The following PLEKHA5 variants were observed in gnomAD, a reference collection of about 807,000 sequenced individuals.
The protein encoded by PLEKHA5 is pleckstrin homology domain-containing family A member 5.
A neutral mutation model predicts 181.9 loss-of-function variants in PLEKHA5; 55 were observed. The ratio of observed to expected loss-of-function variants is 0.30; its 90% CI spans 0.24 to 0.38. PLEKHA5 has a LOEUF of 0.38. Among genes scored for constraint, PLEKHA5 ranks in the 10% least tolerant of loss-of-function variants. The pLI, the probability that PLEKHA5 is intolerant of heterozygous loss-of-function variation, is 1.00. For synonymous variants in PLEKHA5, 535 were observed against 529.4 expected (o/e 1.01, Z -0.15); for missense variants, 1,432 against 1,549.5 (o/e 0.92, Z 1.27).
chr12:19,330,042 C>T (rs977972563), intron 20 of PLEKHA5, among the ~76,000 whole-genome samples: 2 of 152,042 alleles, frequency 1.3e-5, no homozygotes, highest in African/African-American at 4.8e-5. Context: ...CAAAGTGAGA[C>T]CCTGTTTCAA....
chr12:19,168,027 G>C (rs917940659), intron 3 of PLEKHA5, among the ~76,000 whole-genome samples: 3 of 152,100 alleles, frequency 2.0e-5, no homozygotes. Flanking sequence ...TTAGTGGAGA[G>C]ACTAAAACTA....
In PLEKHA5 at chr12:19,348,487, C is replaced by G; in HGVS notation, c.2987C>G (p.Pro996Arg). 1.3e-6 allele frequency: 2 copies of G among 1,581,750 alleles called. No homozygotes were observed. Among genetic ancestry groups the G allele is most frequent in the Non-Finnish European group, 8.6e-7 (1 of 1,169,456 alleles). The change falls in exon 25 of 32, where the codon CCT becomes CGT. Residue 996 changes from proline (P) to arginine (R), a missense_variant. This residue lies in a region of PLEKHA5 where 1,143 missense variants were observed against 1,168.4 expected (regional missense o/e 0.98). Coordinates refer to ENST00000429027, the MANE Select transcript of PLEKHA5 (RefSeq NM_001256470.2). Reference protein sequence around the residue: ...DESNGEEKSEPVSEIETSVVK... With the variant: ...DESNGEEKSERVSEIETSVVK... Reference sequence around the variant, plus strand: ...TCTAATGGAGAAGAAAAATCAGAACCTGTTTCAGAGATAGAAACTTCAGTT... The same window carrying G: ...TCTAATGGAGAAGAAAAATCAGAACGTGTTTCAGAGATAGAAACTTCAGTT...
chr12:19,226,669 T>C (rs2152340920), intron 3 of PLEKHA5, among the ~76,000 whole-genome samples: 1 of 152,324 alleles, frequency 6.6e-6, no homozygotes, highest in Non-Finnish European at 1.5e-5. Context: ...TTATGAAATT[T>C]TTCAAAGAAA....
intron 3 of PLEKHA5, among the ~76,000 whole-genome samples, chr12:19,169,813 C>G (rs1431903578): frequency 1.3e-5 from 2 of 152,190 alleles, no homozygotes; most frequent in Non-Finnish European, 2.9e-5. Context: ...GATTGAGCAT[C>G]TTTCTGGGCC....
At chr12:19,300,013 A>G (rs996672505) in intron 15 of PLEKHA5, among the ~76,000 whole-genome samples, 3 of 152,204 alleles carry the variant, frequency 2.0e-5, no homozygotes, top group African/African-American at 4.8e-5. Context: ...CGTTCTCTGC[A>G]TGGTGTACCT....
In PLEKHA5 at chr12:19,361,565, T is replaced by G. The variant is rs767600531; in HGVS notation, c.3484-17T>G. Reference sequence around the variant, plus strand: ...TAAGAATTCTTTGAAAAGAAAATTTTTCTTTTTATTCTACAGTTAAAAAAA... The same window carrying G: ...TAAGAATTCTTTGAAAAGAAAATTTGTCTTTTTATTCTACAGTTAAAAAAA... On this transcript the variant is annotated splice_polypyrimidine_tract_variant and intron_variant, in intron 28 of 31. Transcript: ENST00000429027. The G allele has an allele frequency of 1.4e-5, 18 of 1,271,732 alleles. No homozygotes were observed. The highest frequency in any genetic ancestry group is 2.2e-6 in the Non-Finnish European group (2 of 899,504). 78.8% of individuals were successfully genotyped at this position (1,271,732 alleles called of 1,614,324 possible). A position where few individuals can be genotyped will look rare whatever the true frequency, so the allele number is the denominator to read the frequency against.
intron 20 of PLEKHA5, among the ~76,000 whole-genome samples, chr12:19,334,904 G>A (rs553435973): frequency 1.4e-4 from 8 of 59,210 alleles, no homozygotes; most frequent in African/African-American, 2.3e-4. Context: ...AATATTAGCC[G>A]GGCATAGGGG....
At chr12:19,197,733 T>TGTGTGTGTGTGTGTGTGTGTG (rs1565455206) in intron 3 of PLEKHA5, among the ~76,000 whole-genome samples, 1 of 112,148 alleles carries the variant, frequency 8.9e-6, no homozygotes. Flanking sequence ...TGTGTGTGTG[T>TGTGTGTGTGTGTGTGTGTGTG]TTAAGTCGCC....
intron 3 of PLEKHA5, among the ~76,000 whole-genome samples, chr12:19,140,821 C>T (rs978531165): frequency 2.6e-5 from 4 of 152,120 alleles, no homozygotes; most frequent in African/African-American, 9.7e-5. Context: ...CAGAGTCTCG[C>T]TCTGTTGCCT....
At chr12:19,164,765 T>G (rs907881348) in intron 3 of PLEKHA5, among the ~76,000 whole-genome samples, 2 of 152,196 alleles carry the variant, frequency 1.3e-5, no homozygotes, top group Non-Finnish European at 2.9e-5. Flanking sequence ...CTGAGTGGCC[T>G]TATTCTTTCA....
chr12:19,322,025 A>C (rs2090996590), intron 18 of PLEKHA5, among the ~76,000 whole-genome samples: 1 of 152,156 alleles, frequency 6.6e-6, no homozygotes, highest in African/African-American at 2.4e-5. Context: ...GAAGTGATCT[A>C]TTGTTTATAT....
At chr12:19,234,847 G>C (rs1432677468) in intron 3 of PLEKHA5, among the ~76,000 whole-genome samples, 2 of 152,134 alleles carry the variant, frequency 1.3e-5, no homozygotes, top group Non-Finnish European at 2.9e-5. Context: ...TTGGGGGTAA[G>C]GATAGTAAGC....
intron 3 of PLEKHA5, among the ~76,000 whole-genome samples, chr12:19,190,065 A>G (rs1405357432): frequency 6.6e-6 from 1 of 152,150 alleles, no homozygotes; most frequent in Non-Finnish European, 1.5e-5. Context: ...GTATATTTTA[A>G]AAGTTATTAT....
intron 29 of PLEKHA5, among the ~76,000 whole-genome samples, chr12:19,364,701 G>T (rs548412026): frequency 6.6e-6 from 1 of 150,722 alleles, no homozygotes; most frequent in East Asian, 2.0e-4. Context: ...TCACTCTGTC[G>T]CCCAGGCTGG....
intron 25 of PLEKHA5, 135 bp downstream of exon 25, chr12:19,348,654 A>G (rs2094447390): frequency 1.9e-6 from 1 of 528,952 alleles, no homozygotes; most frequent in Admixed American, 3.9e-5. Flanking sequence ...TTGGACTCTG[A>G]TGAGTTTCTA....
intron 3 of PLEKHA5, among the ~76,000 whole-genome samples, chr12:19,234,475 A>G (rs2061103956): frequency 6.6e-6 from 1 of 152,172 alleles, no homozygotes; most frequent in Non-Finnish European, 1.5e-5. Flanking sequence ...GAAGCTGTGC[A>G]GGGTGCTGGT....
chr12:19,248,927 C>A (rs1415777344), intron 3 of PLEKHA5, among the ~76,000 whole-genome samples: 1 of 152,132 alleles, frequency 6.6e-6, no homozygotes, highest in East Asian at 1.9e-4. Context: ...TTGTAAATAA[C>A]ATTTATCAAG....
intron 15 of PLEKHA5, chr12:19,306,487 C>A (rs982946330): frequency 2.9e-6 from 2 of 692,856 alleles, no homozygotes; most frequent in East Asian, 6.3e-5. Context: ...TCCTCTTCCC[C>A]CTCCTTGCTG....
At chr12:19,291,745 TTAAATA>T (rs1487249590) in intron 15 of PLEKHA5, 48 bp downstream of exon 15, 1 of 968,578 alleles carries the variant, frequency 1.0e-6, no homozygotes, top group African/African-American at 1.7e-5. Flanking sequence ...ATAGAACTTC[TTAAATA>T]TAATACAGTT....
Sources: allele counts gnomAD v4.1 joint callset (sites outside exome capture counted in the v4.1 genomes callset), GRCh38; gene constraint gnomAD v4.1.1; regional missense constraint gnomAD v4.1.1; transcripts MANE v1.5; gene names NCBI Gene and HGNC (gene_info 2026-07-23, HGNC 2026-07-21).